The following CTNNA3 variants were observed in gnomAD, a reference collection of about 807,000 sequenced individuals.
The protein encoded by CTNNA3 is catenin alpha-3.
A neutral mutation model predicts 95.7 loss-of-function variants in CTNNA3; 76 were observed. That is an observed-to-expected ratio of 0.79 (90% CI 0.66 to 0.96). The LOEUF (loss-of-function observed/expected upper bound fraction) is 0.96. Among genes scored for constraint, CTNNA3 ranks in the 40% least tolerant of loss-of-function variants. The pLI, the probability that CTNNA3 is intolerant of heterozygous loss-of-function variation, is 0.00. For synonymous variants in CTNNA3, 431 were observed against 374.4 expected (o/e 1.15, Z -1.74); for missense variants, 1,191 against 1,089.8 (o/e 1.09, Z -1.31).
intron 9 of CTNNA3, among the ~76,000 whole-genome samples, chr10:66,717,452 G>A (rs905568321): frequency 5.3e-5 from 8 of 152,260 alleles, no homozygotes; most frequent in African/African-American, 1.7e-4. Context: ...TCCTATTCTA[G>A]ACTGGAAGTT....
At position 66,691,088 on chromosome 10, in the gene CTNNA3, G is replaced by A. The variant is rs562585857; in HGVS notation, c.1282-69304C>T. Among the ~76,000 whole-genome samples the A allele has an allele frequency of 6.6e-5, 10 of 152,272 alleles. No individual in the cohort carries two copies. In the South Asian group the frequency reaches 1.9e-3, roughly 28 times the overall value. On this transcript the variant is annotated intron_variant, in intron 9 of 17. Transcript: ENST00000433211. The stretch of plus-strand genomic sequence containing the variant: ...TGAGGTACCAGGTTCATCTCACTAG[G>A]GAGTGCCAGACAGTGGACGCAGGAC...
At chr10:67,064,897 T>C (rs1178125415) in intron 7 of CTNNA3, among the ~76,000 whole-genome samples, 1 of 152,160 alleles carries the variant, frequency 6.6e-6, no homozygotes, top group Admixed American at 6.5e-5. Context: ...AAGCTAGTTC[T>C]GAGGAGAAAA....
chr10:67,178,327 G>A (rs1037686669), intron 7 of CTNNA3, among the ~76,000 whole-genome samples: 6 of 151,728 alleles, frequency 4.0e-5, no homozygotes, highest in Non-Finnish European at 7.4e-5. Flanking sequence ...AGTCTCTCGT[G>A]ACCTATATGT....
chr10:66,479,276 T>G (rs1291502727), intron 11 of CTNNA3, among the ~76,000 whole-genome samples: 1 of 148,494 alleles, frequency 6.7e-6, no homozygotes, highest in Admixed American at 6.7e-5. Flanking sequence ...TCAATTTGTA[T>G]GCCAGTACCA....
At chr10:67,626,703 T>G (rs1384732834) in intron 2 of CTNNA3, among the ~76,000 whole-genome samples, 1 of 152,154 alleles carries the variant, frequency 6.6e-6, no homozygotes, top group East Asian at 1.9e-4. Flanking sequence ...AAATCTCTAC[T>G]CTTTTTTGCA....
chr10:67,096,535 C>T (rs1858005154), intron 7 of CTNNA3, among the ~76,000 whole-genome samples: 1 of 151,854 alleles, frequency 6.6e-6, no homozygotes, highest in Non-Finnish European at 1.5e-5. Flanking sequence ...AATTCAACAG[C>T]ATGAATTAGT....
chr10:67,561,355 C>T (rs1841502252), intron 3 of CTNNA3, among the ~76,000 whole-genome samples: 1 of 110,312 alleles, frequency 9.1e-6, no homozygotes, highest in Non-Finnish European at 1.7e-5. Context: ...TGCTCAGCTA[C>T]ATGGAAACTG....
At chr10:66,213,390 T>C (rs972223250) in intron 13 of CTNNA3, among the ~76,000 whole-genome samples, 1 of 152,146 alleles carries the variant, frequency 6.6e-6, no homozygotes, top group African/African-American at 2.4e-5. Flanking sequence ...TAAAAGCAAA[T>C]AGTGGTTAAT....
chr10:67,755,802 C>CAAAAAAAAAAAA (rs201336788), intron 1 of CTNNA3, among the ~76,000 whole-genome samples: 4 of 58,598 alleles, frequency 6.8e-5, no homozygotes, highest in Non-Finnish European at 1.1e-4. Context: ...GTCTCTGCCT[C>CAAAAAAAAAAAA]AAAAAAAAAA....
intron 6 of CTNNA3, among the ~76,000 whole-genome samples, chr10:67,209,251 G>A (rs1400988903): frequency 1.3e-5 from 2 of 152,062 alleles, no homozygotes; most frequent in Non-Finnish European, 2.9e-5. Flanking sequence ...GTTTCACTAT[G>A]TTGGCCAGGC....
chr10:66,943,380 A>T (rs1197203407), intron 7 of CTNNA3, among the ~76,000 whole-genome samples: 1 of 152,152 alleles, frequency 6.6e-6, no homozygotes, highest in Non-Finnish European at 1.5e-5. Context: ...ATTACTCTTA[A>T]ATTAGAAACT....
intron 15 of CTNNA3, among the ~76,000 whole-genome samples, chr10:66,020,328 T>A (rs543813199): frequency 1.3e-5 from 2 of 151,822 alleles, no homozygotes; most frequent in Non-Finnish European, 1.5e-5. Flanking sequence ...CACATATGAG[T>A]TCCTGGGAAG....
rs565513918 is a variant in CTNNA3, at chr10:67,468,070, A to G, written c.579+53772T>C. Reference sequence around the variant, plus strand: ...TCAGAGGTACACACGTGGGTTTGTTATTAATACATTGGTAAACTTGTGTCA... The same window carrying G: ...TCAGAGGTACACACGTGGGTTTGTTGTTAATACATTGGTAAACTTGTGTCA... On this transcript the variant is annotated intron_variant, in intron 5 of 17. Coordinates refer to ENST00000433211, the MANE Select transcript of CTNNA3 (RefSeq NM_013266.4). Among the ~76,000 whole-genome samples the G allele has an allele frequency of 7.7e-4, 115 of 149,222 alleles. 1 individual carries two copies. The highest frequency in any genetic ancestry group is 2.6e-3 in the African/African-American group (105 of 40,472).
chr10:66,840,090 A>G (rs1335373139), intron 7 of CTNNA3, among the ~76,000 whole-genome samples: 1 of 152,154 alleles, frequency 6.6e-6, no homozygotes, highest in Non-Finnish European at 1.5e-5. Flanking sequence ...TTGAGAAGCT[A>G]AGGAGAATTA....
intron 5 of CTNNA3, among the ~76,000 whole-genome samples, chr10:67,467,642 A>G (rs147322628): frequency 2.6e-3 from 400 of 152,018 alleles, no homozygotes; most frequent in Middle Eastern, 6.8e-3. Flanking sequence ...TCTATGGTTG[A>G]CTCTCTAGGT....
At chr10:66,138,271 CT>C (rs1355200332) in intron 13 of CTNNA3, among the ~76,000 whole-genome samples, 1 of 152,084 alleles carries the variant, frequency 6.6e-6, no homozygotes, top group African/African-American at 2.4e-5. Flanking sequence ...GATCAAGAAT[CT>C]GGCAATTTAC....
chr10:66,814,336 T>C (rs748272718), intron 7 of CTNNA3, among the ~76,000 whole-genome samples: 9 of 150,908 alleles, frequency 6.0e-5, no homozygotes, highest in Admixed American at 1.3e-4. Context: ...AGACTGAGAA[T>C]GAAAGAATGA....
chr10:66,301,488 A>G (rs2091862818), intron 12 of CTNNA3, among the ~76,000 whole-genome samples: 1 of 151,888 alleles, frequency 6.6e-6, no homozygotes, highest in South Asian at 2.1e-4. Context: ...TTTAGTATAT[A>G]AATAATTTTA....
chr10:67,614,330 G>C (rs998019250), intron 2 of CTNNA3, among the ~76,000 whole-genome samples: 2 of 152,136 alleles, frequency 1.3e-5, no homozygotes, highest in African/African-American at 4.8e-5. Context: ...GATTCAAGTG[G>C]ATTACATTTA....
Sources: allele counts gnomAD v4.1 joint callset (sites outside exome capture counted in the v4.1 genomes callset), GRCh38; gene constraint gnomAD v4.1.1; transcripts MANE v1.5; gene names NCBI Gene and HGNC (gene_info 2026-07-23, HGNC 2026-07-21).